Variants in ATRNL1 observed in about 807,000 individuals in gnomAD.
ATRNL1 encodes attractin-like protein 1.
A neutral mutation model predicts 182.7 loss-of-function variants in ATRNL1; 95 were observed. That is an observed-to-expected ratio of 0.52 (90% CI 0.44 to 0.62). The LOEUF is 0.62. Ranked by LOEUF, ATRNL1 falls within the 20% of genes least tolerant of loss-of-function variation. The pLI is 0.00. For missense variants in ATRNL1, 1,471 were observed against 1,679.5 expected (o/e 0.88, Z 2.17); for synonymous variants, 576 against 568.3 (o/e 1.01, Z -0.19).
At chr10:115,713,839 C>T (rs1322033821) in intron 26 of ATRNL1, among the ~76,000 whole-genome samples, 3 of 152,058 alleles carry the variant, frequency 2.0e-5, no homozygotes, top group Admixed American at 1.3e-4. Context: ...TACACAGATA[C>T]GTTTCTCAGT....
chr10:115,877,358 C>G (rs558618466), intron 28 of ATRNL1, among the ~76,000 whole-genome samples: 14 of 152,336 alleles, frequency 9.2e-5, no homozygotes, highest in Admixed American at 5.2e-4. Context: ...TGAACCTGAT[C>G]AGGCCCCAGG....
intron 27 of ATRNL1, 76 bp from the exon 28 acceptor site, chr10:115,847,801 A>G (rs1453014866): frequency 1.1e-5 from 9 of 785,082 alleles, no homozygotes; most frequent in Non-Finnish European, 1.6e-5. Context: ...CAGCTACCTA[A>G]AGGATAGATA....
intron 26 of ATRNL1, among the ~76,000 whole-genome samples, chr10:115,587,160 T>A (rs185730505): frequency 0.02 from 2,944 of 149,042 alleles, 84 homozygotes; most frequent in East Asian, 0.13. Flanking sequence ...TCTTCAAAGC[T>A]GTCAGACAGG....
intron 26 of ATRNL1, among the ~76,000 whole-genome samples, chr10:115,614,728 A>G (rs184825660): frequency 1.6e-4 from 24 of 152,090 alleles, no homozygotes; most frequent in Admixed American, 1.4e-3. Context: ...GTGCATATTT[A>G]CAATTGTATT....
chr10:115,562,750 T>C (rs187686437), intron 26 of ATRNL1, among the ~76,000 whole-genome samples: 1 of 152,342 alleles, frequency 6.6e-6, no homozygotes, highest in African/African-American at 2.4e-5. Context: ...CCTTCTGCCA[T>C]GATTGTAAGT....
intron 21 of ATRNL1, among the ~76,000 whole-genome samples, chr10:115,444,540 G>T (rs1045733007): frequency 1.7e-4 from 25 of 151,506 alleles, no homozygotes; most frequent in Non-Finnish European, 3.2e-4. Flanking sequence ...TCATATTTCT[G>T]TATAATTATA....
At position 115,157,911 on chromosome 10, in the gene ATRNL1, A is replaced by AT. The variant is rs572033122; in HGVS notation, c.830-2122dup. 2.0e-3 allele frequency among the ~76,000 whole-genome samples: 311 copies of AT among 152,054 alleles called. 2 individuals are homozygous for AT. The highest frequency in any genetic ancestry group is 3.1e-3 in the Non-Finnish European group (211 of 67,936). On this transcript the variant is annotated intron_variant, in intron 5 of 28. Transcript: ENST00000355044. ...TTTAAAAATGTACCCAATTTTCAAGATTTTTTTCATGCCAGTGTTCTCTAT... is the reference window on the plus strand; with the variant it reads ...TTTAAAAATGTACCCAATTTTCAAGATTTTTTTTCATGCCAGTGTTCTCTAT...
chr10:115,661,489 A>G (rs1272044648), intron 26 of ATRNL1, among the ~76,000 whole-genome samples: 1 of 152,194 alleles, frequency 6.6e-6, no homozygotes, highest in Non-Finnish European at 1.5e-5. Flanking sequence ...TGGTGATATC[A>G]CTATGATATG....
intron 3 of ATRNL1, among the ~76,000 whole-genome samples, chr10:115,124,195 A>T (rs1554872637): frequency 6.6e-6 from 1 of 152,102 alleles, no homozygotes; most frequent in African/African-American, 2.4e-5. Context: ...CTGTCATTTC[A>T]GACACTAGCT....
chr10:115,660,848 C>T (rs1555037503), intron 26 of ATRNL1, among the ~76,000 whole-genome samples: 2 of 152,038 alleles, frequency 1.3e-5, no homozygotes. Context: ...CATGCATTTA[C>T]ATATGTAAGT....
At chr10:115,673,586 T>A (rs74158243) in intron 26 of ATRNL1, among the ~76,000 whole-genome samples, 1,805 of 152,166 alleles carry the variant, frequency 0.012, 33 homozygotes, top group African/African-American at 0.041. Flanking sequence ...TAATGTTAAG[T>A]TCAAGAACTA....
At chr10:115,150,123 T>G (rs1554880228) in intron 5 of ATRNL1, among the ~76,000 whole-genome samples, 1 of 152,082 alleles carries the variant, frequency 6.6e-6, no homozygotes, top group Non-Finnish European at 1.5e-5. Flanking sequence ...TTTTCCAGTT[T>G]GTTAGTGTAT....
chr10:115,132,950 C>T (rs113394767), intron 5 of ATRNL1, among the ~76,000 whole-genome samples: 4 of 152,056 alleles, frequency 2.6e-5, no homozygotes, highest in African/African-American at 4.8e-5. Flanking sequence ...ATCCCATTTG[C>T]CAATTTTGGC....
intron 27 of ATRNL1, among the ~76,000 whole-genome samples, chr10:115,738,479 G>C (rs1216953745): frequency 2.6e-5 from 4 of 151,990 alleles, no homozygotes; most frequent in Non-Finnish European, 5.9e-5. Flanking sequence ...CAATAAATAA[G>C]AGATTTTTAT....
At chr10:115,148,555 G>A (rs1554879845) in intron 5 of ATRNL1, among the ~76,000 whole-genome samples, 1 of 151,964 alleles carries the variant, frequency 6.6e-6, no homozygotes, top group African/African-American at 2.4e-5. Flanking sequence ...TCTCCATTTG[G>A]TATTGAAGTG....
At chr10:115,598,864 A>G (rs1856430992) in intron 26 of ATRNL1, among the ~76,000 whole-genome samples, 1 of 152,202 alleles carries the variant, frequency 6.6e-6, no homozygotes, top group South Asian at 2.1e-4. Flanking sequence ...AGCCTCACAC[A>G]GAAACATAGT....
At chr10:115,334,527 CAGTTTT>C (rs1855390968) in intron 19 of ATRNL1, 108 bp downstream of exon 19, 1 of 707,752 alleles carries the variant, frequency 1.4e-6, no homozygotes, top group Non-Finnish European at 2.1e-6. Context: ...ATTTTTTACT[CAGTTTT>C]AGTATGTTTT....
chr10:115,413,185 G>C (rs1845226729), intron 20 of ATRNL1, among the ~76,000 whole-genome samples: 1 of 152,064 alleles, frequency 6.6e-6, no homozygotes, highest in African/African-American at 2.4e-5. Flanking sequence ...GATTTCATCT[G>C]TTTTATCCTT....
Position 115,727,306 on chromosome 10 carries a change from C to CT in ATRNL1, c.3855dup (p.Leu1286SerfsTer6). On this transcript the variant is annotated frameshift_variant, in exon 27 of 29. Transcript: ENST00000355044. LOFTEE classifies it high-confidence loss of function. Reference sequence around the variant, plus strand: ...CGTCCCTTTGCTTCTGTTGATGTAGCTCTGGAAGTGGGAGCTGAACAAACA... The same window carrying CT: ...CGTCCCTTTGCTTCTGTTGATGTAGCTTCTGGAAGTGGGAGCTGAACAAACA... 1.9e-6 allele frequency: 3 copies of CT among 1,614,124 alleles called. No homozygotes were observed. Among genetic ancestry groups the CT allele is most frequent in the Non-Finnish European group, 2.5e-6 (3 of 1,179,998 alleles).
Sources: allele counts gnomAD v4.1 joint callset (sites outside exome capture counted in the v4.1 genomes callset), GRCh38; gene constraint gnomAD v4.1.1; transcripts MANE v1.5; gene names NCBI Gene and HGNC (gene_info 2026-07-23, HGNC 2026-07-21).